The following GAS7 variants were observed in gnomAD, a reference collection of about 807,000 sequenced individuals.
The protein encoded by GAS7 is growth arrest specific 7.
GAS7 carries 28 observed loss-of-function variants against 71.1 expected under a neutral mutation model. The observed-to-expected ratio is 0.39, with a 90% confidence interval of 0.29 to 0.54. The LOEUF is 0.54. GAS7 is among the 20% of genes least tolerant of loss of function. The pLI is 0.62. For synonymous variants in GAS7, 258 were observed against 245.8 expected (o/e 1.05, Z -0.46); for missense variants, 436 against 627.8 (o/e 0.69, Z 3.27).
intron 1 of GAS7, among the ~76,000 whole-genome samples, chr17:10,160,454 T>C (rs1312728125): frequency 5.3e-5 from 8 of 152,174 alleles, no homozygotes. Flanking sequence ...TCCTCTGTTT[T>C]ACAGATGTTG....
At position 10,102,009 on chromosome 17, in the gene GAS7, C is replaced by T. The variant is rs553781355; in HGVS notation, c.184-82112G>A. 1.1e-4 allele frequency among the ~76,000 whole-genome samples: 17 copies of T among 152,154 alleles called. No individual in the cohort carries two copies. The South Asian group carries it at 3.5e-3, about 32-fold the overall frequency. On this transcript the variant is annotated intron_variant, in intron 1 of 13. Transcript: ENST00000432992. ...ACTCCCTCCCCAAATAGTGCCCATGCATAAGGTAATCCAGACACCCCAAGG... is the reference window on the plus strand; with the variant it reads ...ACTCCCTCCCCAAATAGTGCCCATGTATAAGGTAATCCAGACACCCCAAGG...
At chr17:10,087,785 C>A (rs1334750329) in intron 1 of GAS7, among the ~76,000 whole-genome samples, 2 of 152,144 alleles carry the variant, frequency 1.3e-5, no homozygotes, top group African/African-American at 4.8e-5. Context: ...ATCCACAGGT[C>A]TCTCAGAATC....
chr17:10,183,021 C>G (rs1177319111), intron 1 of GAS7, among the ~76,000 whole-genome samples: 1 of 152,112 alleles, frequency 6.6e-6, no homozygotes, highest in Non-Finnish European at 1.5e-5. Context: ...ATTAGCCCAG[C>G]CTGAGGAGCA....
chr17:9,921,993 C>T (rs1382578630), intron 11 of GAS7, among the ~76,000 whole-genome samples: 5 of 151,742 alleles, frequency 3.3e-5, no homozygotes, highest in Non-Finnish European at 7.4e-5. Context: ...GTTGTCATCC[C>T]AGCTCAACTA....
At chr17:10,184,186 G>A (rs998503437) in intron 1 of GAS7, among the ~76,000 whole-genome samples, 3 of 152,076 alleles carry the variant, frequency 2.0e-5, no homozygotes, top group African/African-American at 4.8e-5. Context: ...CCTCTCCATC[G>A]TCCTGGTTCA....
intron 1 of GAS7, among the ~76,000 whole-genome samples, chr17:10,100,934 A>G (rs2073692492): frequency 6.6e-6 from 1 of 152,172 alleles, no homozygotes; most frequent in African/African-American, 2.4e-5. Flanking sequence ...TTGGTTATTT[A>G]CTGGGTGTAA....
intron 1 of GAS7, chr17:10,114,697 CA>C (rs1176295707): frequency 9.2e-4 from 2 of 2,164 alleles, no homozygotes; most frequent in African/African-American, 5.8e-3. Context: ...AGAGAAAAAC[CA>C]CACACACACA....
In GAS7 at chr17:10,034,338, T is replaced by G; in HGVS notation, c.184-14441A>C. The G allele has an allele frequency of 2.0e-6, 1 of 497,206 alleles. No homozygotes were observed. The highest frequency in any genetic ancestry group is 2.6e-6 in the Non-Finnish European group (1 of 384,078). The allele number at this position is 497,206 out of a possible 1,614,324, so 30.8% of individuals were successfully genotyped here. A position where few individuals can be genotyped will look rare whatever the true frequency, so the allele number is the denominator to read the frequency against. On this transcript the variant is annotated intron_variant, in intron 1 of 13. Coordinates refer to ENST00000432992, the MANE Select transcript of GAS7 (RefSeq NM_201433.2). The surrounding 1 kb of genome is among the most constrained non-coding windows in gnomAD (Gnocchi z 4.4). ...TTCTTTTTTTTTTTTTTAGACAGTC[T>G]TGCTGTGTCACCCAGGCTGGAGTGC...
At position 10,167,730 on chromosome 17, in the gene GAS7, G is replaced by A. The variant is rs947256641; in HGVS notation, c.183+30478C>T. Among the ~76,000 whole-genome samples the A allele has an allele frequency of 4.0e-4, 61 of 151,650 alleles. 1 individual carries two copies. Among genetic ancestry groups the A allele is most frequent in the Admixed American group, 3.7e-3 (56 of 15,238 alleles). On this transcript the variant is annotated intron_variant, in intron 1 of 13. Transcript: ENST00000432992. ...ATGTTTTGTTTTGAGACAAGGTCTC[G>A]CTCTGTCACCCAGGCTGGAGTGCAG... is the stretch of plus-strand genomic sequence containing the variant.
rs1484662050 is a variant in GAS7 at position 9,946,901 on chromosome 17, T to A, written c.608A>T (p.Tyr203Phe). ...AACTGAGGCGCTGCTTACCCAGAAG[T>A]AGTCGCAGTAGCTCCACTCGGTTGG... ...LKPTEWSYCD[Y>F]FWADKKDPQG... Residue 203 changes from tyrosine to phenylalanine, a missense_variant, in exon 6 of 14, where the codon TAC becomes TTC. By Grantham distance (22) the Tyr-to-Phe change is conservative. Coordinates refer to ENST00000432992, the MANE Select transcript of GAS7 (RefSeq NM_201433.2). 1.6e-5 allele frequency: 26 copies of A among 1,608,292 alleles called. No individual in the cohort carries two copies. Among genetic ancestry groups the A allele is most frequent in the Non-Finnish European group, 2.2e-5 (26 of 1,174,836 alleles).
intron 5 of GAS7, among the ~76,000 whole-genome samples, chr17:9,955,146 G>C (rs2069179196): frequency 6.6e-6 from 1 of 152,190 alleles, no homozygotes; most frequent in South Asian, 2.1e-4. Context: ...TCAAAGTCAA[G>C]GCTCCTAGGT....
rs948074947 is a variant in GAS7, at chr17:9,919,002, G to A, written c.1218+624C>T. 6.6e-6 allele frequency among the ~76,000 whole-genome samples: 1 copy of A among 152,194 alleles called. No homozygotes were observed. Among genetic ancestry groups the A allele is most frequent in the African/African-American group, 2.4e-5 (1 of 41,454 alleles). On this transcript the variant is annotated intron_variant, in intron 12 of 13. Transcript: ENST00000432992. The surrounding 1 kb of genome is among the most constrained non-coding windows in gnomAD (Gnocchi z 5.0). ...GGATGGACAGGGGTGGCTTTAGGCAGTGGGCTGATCCGATGAGCACCTGGC... is the reference window on the plus strand; with the variant it reads ...GGATGGACAGGGGTGGCTTTAGGCAATGGGCTGATCCGATGAGCACCTGGC...
rs1402232377 is a variant in GAS7, at chr17:10,058,284, ACAAAG to A, written c.184-38392_184-38388del. Among the ~76,000 whole-genome samples the A allele has an allele frequency of 3.3e-5, 5 of 151,272 alleles. No homozygotes were observed. The East Asian group carries it at 7.7e-4, about 23-fold the overall frequency. On this transcript the variant is annotated intron_variant, in intron 1 of 13. Transcript: ENST00000432992. ...AAAACAAAAACAAAAACAAAACAAA[ACAAAG>A]CAAACAAAAAAAAATTAGCCAGGTG... is the stretch of plus-strand genomic sequence containing the variant.
At chr17:9,949,018 G>A (rs959980583) in intron 5 of GAS7, among the ~76,000 whole-genome samples, 1 of 152,216 alleles carries the variant, frequency 6.6e-6, no homozygotes, top group Non-Finnish European at 1.5e-5. Context: ...TCCAATGCTA[G>A]GCGGGGTGTG....
intron 5 of GAS7, among the ~76,000 whole-genome samples, chr17:9,954,390 G>A (rs769796938): frequency 2.0e-5 from 3 of 152,000 alleles, no homozygotes; most frequent in Admixed American, 6.5e-5. Flanking sequence ...TGTCTGGGGT[G>A]AGCACCCCCA....
intron 1 of GAS7, among the ~76,000 whole-genome samples, chr17:10,185,949 A>ATTT (rs148937908): frequency 2.2e-5 from 2 of 92,528 alleles, no homozygotes; most frequent in Non-Finnish European, 4.1e-5. Context: ...ATCAGTCTGC[A>ATTT]TTTTTTTTTT....
intron 2 of GAS7, among the ~76,000 whole-genome samples, chr17:9,996,632 T>C (rs1410011984): frequency 2.0e-5 from 3 of 151,166 alleles, no homozygotes; most frequent in Non-Finnish European, 4.4e-5. Context: ...CATATATATA[T>C]ATTTTTTATT....
chr17:9,972,407 T>C (rs1262165616), intron 3 of GAS7, among the ~76,000 whole-genome samples: 1 of 152,172 alleles, frequency 6.6e-6, no homozygotes, highest in East Asian at 1.9e-4. Context: ...TTTTATCAAA[T>C]AGCATAGAAC....
At chr17:10,020,897 A>G (rs2072241356) in intron 1 of GAS7, among the ~76,000 whole-genome samples, 1 of 152,212 alleles carries the variant, frequency 6.6e-6, no homozygotes, top group African/African-American at 2.4e-5. Context: ...TGGGTGACAG[A>G]GTGAGAGTCC....
Sources: allele counts gnomAD v4.1 joint callset (sites outside exome capture counted in the v4.1 genomes callset), GRCh38; gene constraint gnomAD v4.1.1; non-coding constraint Gnocchi (gnomAD v3.1); transcripts MANE v1.5; gene names NCBI Gene and HGNC (gene_info 2026-07-23, HGNC 2026-07-21).